The following GABRB1 variants were observed in gnomAD, a reference collection of about 807,000 sequenced individuals.
GABRB1 encodes gamma-aminobutyric acid receptor subunit beta-1.
A neutral mutation model predicts 51.6 loss-of-function variants in GABRB1; 17 were observed. The ratio of observed to expected loss-of-function variants is 0.33; its 90% CI spans 0.23 to 0.49. The LOEUF (loss-of-function observed/expected upper bound fraction) is 0.49. Ranked by LOEUF, GABRB1 falls within the 20% of genes least tolerant of loss-of-function variation. The pLI, the probability that GABRB1 is intolerant of heterozygous loss-of-function variation, is 0.99. For missense variants in GABRB1, 410 were observed against 600.6 expected (o/e 0.68, Z 3.32); for synonymous variants, 247 against 218.9 (o/e 1.13, Z -1.14).
intron 5 of GABRB1, among the ~76,000 whole-genome samples, chr4:47,337,613 T>C (rs34282295): frequency 0.28 from 42,518 of 151,412 alleles, 6,951 homozygotes; most frequent in Middle Eastern, 0.4. Context: ...GAGACCAACC[T>C]GGCAAGCAGG....
At chr4:47,215,825 C>T (rs1159210368) in intron 4 of GABRB1, among the ~76,000 whole-genome samples, 1 of 152,010 alleles carries the variant, frequency 6.6e-6, no homozygotes, top group Non-Finnish European at 1.5e-5. Flanking sequence ...CTAGAATGGT[C>T]TTGGAATAGG....
At chr4:47,344,686 C>A (rs1726024600) in intron 5 of GABRB1, among the ~76,000 whole-genome samples, 1 of 151,922 alleles carries the variant, frequency 6.6e-6, no homozygotes. Context: ...CTGTTACTGG[C>A]ACATTTTTTT....
intron 4 of GABRB1, among the ~76,000 whole-genome samples, chr4:47,248,269 G>A (rs773070446): frequency 5.3e-5 from 8 of 152,088 alleles, no homozygotes; most frequent in Non-Finnish European, 1.2e-4. Context: ...TGCATCTATT[G>A]AGATGATCAT....
At chr4:47,008,629 ATTTTTTTTTTTTTT>A (rs71193894) in intron 1 of GABRB1, among the ~76,000 whole-genome samples, 1 of 117,488 alleles carries the variant, frequency 8.5e-6, no homozygotes, top group Non-Finnish European at 1.8e-5. Context: ...CACCCAGCTA[ATTTTTTTTTTTTTT>A]TTTTTTTGTA....
Position 47,287,804 on chromosome 4 carries a change from T to C in GABRB1, c.462-32323T>C, listed in dbSNP as rs182228640. 6.7e-3 allele frequency among the ~76,000 whole-genome samples: 1,017 copies of C among 152,346 alleles called. 3 individuals are homozygous for C. Among genetic ancestry groups the C allele is most frequent in the Middle Eastern group, 0.027 (8 of 294 alleles). The stretch of plus-strand genomic sequence containing the variant: ...TGGAAGCCAGTTGAGAGTTTCCCTA[T>C]GGACATGCCTATATGACAAGAAACT... On this transcript the variant is annotated intron_variant, in intron 4 of 8. Coordinates refer to ENST00000295454, the MANE Select transcript of GABRB1 (RefSeq NM_000812.4).
intron 4 of GABRB1, among the ~76,000 whole-genome samples, chr4:47,243,239 G>A (rs1721603445): frequency 6.6e-6 from 1 of 152,100 alleles, no homozygotes; most frequent in African/African-American, 2.4e-5. Context: ...TGTTCCATTG[G>A]TCTATATCTC....
rs1190010483 is a variant in GABRB1 at position 47,328,519 on chromosome 4, A to G, written c.544+8310A>G. On this transcript the variant is annotated intron_variant, in intron 5 of 8. Transcript: ENST00000295454. ...ATAGCAAAGACTTGGAACCAACCCA[A>G]ATGTCCAACAATGATAGACTGCATT... Among the ~76,000 whole-genome samples, 3 of 152,314 alleles carry G rather than the reference A, an allele frequency of 2.0e-5. No homozygotes were observed. The East Asian group carries it at 5.8e-4, about 29-fold the overall frequency.
chr4:47,374,186 A>C (rs1727301665), intron 5 of GABRB1, among the ~76,000 whole-genome samples: 1 of 152,236 alleles, frequency 6.6e-6, no homozygotes, highest in Non-Finnish European at 1.5e-5. Context: ...ATAATTCTGC[A>C]GGCCAGCCTG....
intron 4 of GABRB1, among the ~76,000 whole-genome samples, chr4:47,305,751 T>G (rs1236050863): frequency 2.0e-5 from 3 of 152,178 alleles, no homozygotes; most frequent in Non-Finnish European, 4.4e-5. Context: ...TCACCCAGTA[T>G]TAAATACCAA....
At chr4:47,077,542 T>G (rs539807954) in intron 3 of GABRB1, among the ~76,000 whole-genome samples, 51 of 152,162 alleles carry the variant, frequency 3.4e-4, no homozygotes, top group African/African-American at 1.2e-3. Context: ...AATCAGCAAG[T>G]TTTCCATTAT....
intron 5 of GABRB1, among the ~76,000 whole-genome samples, chr4:47,387,116 G>C (rs994403440): frequency 1.3e-5 from 2 of 152,126 alleles, no homozygotes; most frequent in African/African-American, 4.8e-5. Flanking sequence ...TAAAAGGCAT[G>C]TTTTTCAAAT....
chr4:47,141,490 T>G (rs1158365847), intron 3 of GABRB1, among the ~76,000 whole-genome samples: 1 of 151,992 alleles, frequency 6.6e-6, no homozygotes, highest in South Asian at 2.1e-4. Context: ...TTTTGTAAAT[T>G]TGGCAGCTGG....
intron 3 of GABRB1, among the ~76,000 whole-genome samples, chr4:47,035,846 C>A (rs911824576): frequency 6.6e-6 from 1 of 152,192 alleles, no homozygotes; most frequent in Non-Finnish European, 1.5e-5. Flanking sequence ...ATATTAACTA[C>A]CTTCTAACAA....
intron 4 of GABRB1, among the ~76,000 whole-genome samples, chr4:47,244,148 G>T (rs972877541): frequency 6.6e-6 from 1 of 152,138 alleles, no homozygotes; most frequent in Non-Finnish European, 1.5e-5. Context: ...TAATTATGTG[G>T]TTTTTGTCTT....
intron 4 of GABRB1, among the ~76,000 whole-genome samples, chr4:47,256,808 C>G (rs1722220068): frequency 6.6e-6 from 1 of 152,120 alleles, no homozygotes; most frequent in Non-Finnish European, 1.5e-5. Flanking sequence ...TCCCACCAGA[C>G]CCCTCCTCCA....
chr4:47,223,091 C>T (rs1456263219), intron 4 of GABRB1, among the ~76,000 whole-genome samples: 1 of 152,090 alleles, frequency 6.6e-6, no homozygotes, highest in African/African-American at 2.4e-5. Context: ...CTACCGGGAA[C>T]ATTTCTGTAG....
At chr4:47,091,106 A>T (rs1166944159) in intron 3 of GABRB1, among the ~76,000 whole-genome samples, 1 of 143,744 alleles carries the variant, frequency 7.0e-6, no homozygotes, top group African/African-American at 2.6e-5. Context: ...TGGTTGTCGC[A>T]TCTAAGAAGA....
chr4:47,350,364 A>G (rs1726283080), intron 5 of GABRB1, among the ~76,000 whole-genome samples: 1 of 150,972 alleles, frequency 6.6e-6, no homozygotes, highest in Non-Finnish European at 1.5e-5. Context: ...TTTAATATAT[A>G]TTAATTTATC....
chr4:47,261,270 G>C (rs1710191059), intron 4 of GABRB1, among the ~76,000 whole-genome samples: 2 of 152,154 alleles, frequency 1.3e-5, no homozygotes, highest in Admixed American at 6.5e-5. Context: ...CCTGTTTGCA[G>C]ATGACATGAT....
Sources: allele counts gnomAD v4.1 joint callset (sites outside exome capture counted in the v4.1 genomes callset), GRCh38; gene constraint gnomAD v4.1.1; transcripts MANE v1.5; gene names NCBI Gene and HGNC (gene_info 2026-07-23, HGNC 2026-07-21).